Variants in OSCAR observed in about 807,000 individuals in gnomAD.
OSCAR encodes the protein osteoclast associated Ig-like receptor.
Under a neutral mutation model 27.3 loss-of-function variants are expected in OSCAR, and 25 were observed. That is an observed-to-expected ratio of 0.92 (90% confidence interval 0.67 to 1.28). The LOEUF (loss-of-function observed/expected upper bound fraction) is 1.28, where lower values mean the gene tolerates loss of function less well. Ranked by LOEUF, OSCAR falls within the 50% of genes most tolerant of loss-of-function variation. The pLI is 0.00. For synonymous variants in OSCAR, 158 were observed against 165.7 expected, an observed-to-expected ratio of 0.95 and a Z score of 0.36; for missense variants, 354 against 355.1, an observed-to-expected ratio of 1.00 and a Z score of 0.03.
At position 54,096,045 on chromosome 19, in the gene OSCAR, A is replaced by T. The variant is rs1201965688; in HGVS notation, c.482T>A (p.Leu161Gln). The change falls in exon 4 of 5, where the codon CTG becomes CAG. Residue 161 changes from leucine to glutamine, a missense_variant. By Grantham distance (113) the Leu-to-Gln change is moderately radical. Coordinates refer to ENST00000358375, the MANE Select transcript of OSCAR (RefSeq NM_133169.6). The part of the protein sequence containing the change: ...AGRLRNMSFV[L>Q]YREGVAAPLQ... Reference sequence around the variant, plus strand: ...CGGGGCCGCCACGCCCTCGCGGTACAGCACGAAGCTCATGTTCCGCAGGCG... The same window carrying T: ...CGGGGCCGCCACGCCCTCGCGGTACTGCACGAAGCTCATGTTCCGCAGGCG... 6.4e-7 allele frequency: 1 copy of T among 1,556,898 alleles called. No homozygotes were observed. The highest frequency in any genetic ancestry group is 8.7e-7 in the Non-Finnish European group (1 of 1,155,246).
intron 1 of OSCAR, 108 bp from the exon 2 acceptor site, chr19:54,099,888 C>T (rs2072957972): frequency 7.9e-7 from 1 of 1,270,234 alleles, no homozygotes; most frequent in South Asian, 1.5e-5. Flanking sequence ...TCTCAGCTCA[C>T]TGCAACCTCT....
In OSCAR at chr19:54,096,927, C is replaced by T. The variant is rs769223351; in HGVS notation, c.308G>A (p.Arg103Gln). The T allele has an allele frequency of 9.9e-6, 16 of 1,614,050 alleles. No individual in the cohort carries two copies. The African/African-American group carries it at 1.2e-4, about 12-fold the overall frequency. ...AQGGSYRCCY[R>Q]RPDWGPGVWS... is the part of the protein sequence containing the mutation. ...GACACCCGGCCCCCAGTCTGGCCTT[C>T]GGTAGCAGCAGCGGTAACTTCCCCC... Residue 103 changes from arginine to glutamine, a missense_variant, in exon 3 of 5, where the codon CGA (arginine) becomes CAA (glutamine). By Grantham distance (43) the Arg-to-Gln change is conservative (BLOSUM62 1). Coordinates refer to ENST00000358375, the MANE Select transcript of OSCAR (RefSeq NM_133169.6).
chr19:54,097,493 C>T lies in OSCAR; in HGVS notation c.71-329G>A, dbSNP rs11883337. 9.1e-3 allele frequency among the ~76,000 whole-genome samples: 1,380 copies of T among 150,860 alleles called. 25 individuals carry two copies. The highest frequency in any genetic ancestry group is 0.032 in the African/African-American group (1,312 of 40,982). ...GAGGGGGCGGTCTCCCTATGTTGAG[C>T]AGGTTGGTCTTAAACTACTGGCCTC... On this transcript the variant is annotated intron_variant, in intron 2 of 4. Coordinates refer to ENST00000358375, the MANE Select transcript of OSCAR (RefSeq NM_133169.6).
intron 2 of OSCAR, among the ~76,000 whole-genome samples, chr19:54,098,499 G>A (rs1420741955): frequency 6.6e-6 from 1 of 152,126 alleles, no homozygotes; most frequent in Non-Finnish European, 1.5e-5. Flanking sequence ...TAGAGTCGGA[G>A]GCTGCAGTTA....
chr19:54,095,487 T>G, intron 4 of OSCAR, 130 bp from the exon 5 acceptor site: 1 of 1,438,146 alleles, frequency 7.0e-7, no homozygotes, highest in Non-Finnish European at 9.1e-7. Flanking sequence ...TGAGGGGGAG[T>G]CGATGGAGGC....
intron 2 of OSCAR, among the ~76,000 whole-genome samples, chr19:54,099,244 T>TTTTTTTTTTTTTTTTTTTTTTTTTTTTG (rs1267618078): frequency 7.5e-6 from 1 of 133,196 alleles, no homozygotes; most frequent in Non-Finnish European, 1.6e-5. Flanking sequence ...TTTTTTTTTT[T>TTTTTTTTTTTTTTTTTTTTTTTTTTTTG]TTTTTTTTTA....
chr19:54,098,542 C>T (rs1202072205), intron 2 of OSCAR, among the ~76,000 whole-genome samples: 1 of 152,000 alleles, frequency 6.6e-6, no homozygotes, highest in Non-Finnish European at 1.5e-5. Context: ...CCAGCCTGGG[C>T]AACAGAGTGA....
rs587720626 is a variant in OSCAR, at chr19:54,100,136, A to G, written c.38-356T>C. On this transcript the variant is annotated intron_variant, in intron 1 of 4. Transcript: ENST00000358375. ...CGCCCAACAGCGAGTTCTTTTCAAA[A>G]CCCTTTGTGGCCAGCCCCATCTCAT... Among the ~76,000 whole-genome samples the G allele has an allele frequency of 2.3e-4, 35 of 151,884 alleles. No individual in the cohort carries two copies. The East Asian group carries it at 5.0e-3, about 22-fold the overall frequency.
chr19:54,095,442 G>A, intron 4 of OSCAR, 85 bp from the exon 5 acceptor site: 8 of 1,493,516 alleles, frequency 5.4e-6, no homozygotes, highest in South Asian at 2.6e-5. Flanking sequence ...AGCCCCTGGG[G>A]TGGACTTAGG....
intron 2 of OSCAR, among the ~76,000 whole-genome samples, chr19:54,098,962 G>A (rs587645165): frequency 2.0e-5 from 3 of 151,894 alleles, no homozygotes; most frequent in East Asian, 3.9e-4. Flanking sequence ...CGGCCTGGGC[G>A]ACAGAGAGAA....
rs1271950230 is a variant in OSCAR, at chr19:54,094,889, TC to T, written c.*331del. 3.5e-6 allele frequency: 1 copy of T among 288,944 alleles called. No homozygotes were observed. The highest frequency in any genetic ancestry group is 6.4e-6 in the Non-Finnish European group (1 of 156,130). The allele number at this position is 288,944 out of a possible 1,614,324, so 17.9% of individuals were successfully genotyped here. ...TTGTAAGACAGAAAAGTTCTCCAGG[TC>T]CCCATTCAACCCAGGAAGTCCAGCT... is the stretch of plus-strand genomic sequence containing the variant. On this transcript the variant is annotated 3_prime_UTR_variant, in exon 5 of 5. Transcript: ENST00000358375.
intron 3 of OSCAR, among the ~76,000 whole-genome samples, chr19:54,096,398 C>G (rs1399469015): frequency 6.7e-5 from 9 of 133,974 alleles, no homozygotes; most frequent in Non-Finnish European, 8.0e-5. Context: ...CTCTCTGCCT[C>G]CCTCTCTCTC....
intron 1 of OSCAR, among the ~76,000 whole-genome samples, chr19:54,100,276 C>T (rs762543040): frequency 2.6e-4 from 40 of 152,274 alleles, no homozygotes; most frequent in East Asian, 1.9e-3. Flanking sequence ...GCCCACCTAC[C>T]GAAGAAGTCT....
chr19:54,097,665 A>C (rs587603885), intron 2 of OSCAR, among the ~76,000 whole-genome samples: 1 of 137,270 alleles, frequency 7.3e-6, no homozygotes, highest in African/African-American at 2.8e-5. Context: ...CATGTTCTCA[A>C]CTCACTGCAG....
chr19:54,095,873 T>C lies in OSCAR; in HGVS notation c.654A>G (p.Glu218=). Reference sequence around the variant, plus strand: ...CGGGCCGGGCCTCAGGGCCCTCACCTTCCCAGCTGATGACCAGCACCTCGC... The same window carrying C: ...CGGGCCGGGCCTCAGGGCCCTCACCCTCCCAGCTGATGACCAGCACCTCGC... ...QRSEVLVISW[E]DSGSSDYTRG... is the part of the protein sequence containing the mutation. The change falls in exon 4 of 5, where the codon GAA becomes GAG. Residue 218 remains glutamate (E), a splice_region_variant and synonymous_variant. Coordinates refer to ENST00000358375, the MANE Select transcript of OSCAR (RefSeq NM_133169.6). 6.4e-7 allele frequency: 1 copy of C among 1,556,384 alleles called. No individual in the cohort carries two copies. Among genetic ancestry groups the C allele is most frequent in the Non-Finnish European group, 8.7e-7 (1 of 1,149,772 alleles).
intron 2 of OSCAR, among the ~76,000 whole-genome samples, chr19:54,097,584 CTTTTTTTTTTT>C (rs33998262): frequency 1.1e-3 from 41 of 37,462 alleles, no homozygotes; most frequent in African/African-American, 4.5e-3. Context: ...CACACCCAGA[CTTTTTTTTTTT>C]TTTTTTTTTT....
intron 3 of OSCAR, 90 bp from the exon 4 acceptor site, chr19:54,096,243 T>C: frequency 8.9e-7 from 1 of 1,118,108 alleles, no homozygotes; most frequent in South Asian, 1.6e-5. Flanking sequence ...TCTCTCGCTT[T>C]CTCTGTGCCT....
chr19:54,099,051 A>G (rs1417497746), intron 2 of OSCAR, among the ~76,000 whole-genome samples: 1 of 39,770 alleles, frequency 2.5e-5, no homozygotes, highest in Non-Finnish European at 4.2e-5. Context: ...TATCTCCAAA[A>G]GAGTTTTTTT....
At chr19:54,100,663 C>T in intron 1 of OSCAR, 93 bp downstream of exon 1, 1 of 1,341,052 alleles carries the variant, frequency 7.5e-7, no homozygotes. Flanking sequence ...AACCTGCTGC[C>T]TGGTCCCCCT....
Sources: gnomAD v4.1 joint callset for allele counts (sites outside exome capture counted in the v4.1 genomes callset) on GRCh38, gnomAD v4.1.1 for gene constraint, MANE v1.5 for transcripts, NCBI Gene and HGNC (gene_info 2026-07-23, HGNC 2026-07-21) for gene names.